The following GALNT14 variants were observed in gnomAD, a reference collection of about 807,000 sequenced individuals.
The protein encoded by GALNT14 is polypeptide N-acetylgalactosaminyltransferase 14.
A neutral mutation model predicts 77.5 loss-of-function variants in GALNT14; 60 were observed. The ratio of observed to expected loss-of-function variants is 0.77; its 90% CI spans 0.63 to 0.96. The LOEUF (loss-of-function observed/expected upper bound fraction) is 0.96. GALNT14 is among the 40% of genes least tolerant of loss of function. The pLI is 0.00. For missense variants in GALNT14, 710 were observed against 731.0 expected (o/e 0.97, Z 0.33); for synonymous variants, 280 against 281.7 (o/e 0.99, Z 0.06).
rs764585768 is a variant in GALNT14, at chr2:31,109,505, C to CT, written c.129+28452dup. ...CTGTCAGAATGTGAAATGATGCTCC[C>CT]TTTCCTTCCTTGAGAGTATAAACTG... On this transcript the variant is annotated intron_variant, in intron 1 of 14. Coordinates refer to ENST00000349752, the MANE Select transcript of GALNT14 (RefSeq NM_024572.4). Among the ~76,000 whole-genome samples the CT allele has an allele frequency of 1.3e-4, 20 of 152,204 alleles. 1 individual carries two copies. Among genetic ancestry groups the CT allele is most frequent in the Admixed American group, 4.6e-4 (7 of 15,290 alleles).
Position 30,998,088 on chromosome 2 carries a change from G to A in GALNT14, c.130-5081C>T, listed in dbSNP as rs562867531. On this transcript the variant is annotated intron_variant, in intron 1 of 14. Transcript: ENST00000349752. ...AACATGGATGGATATTATGCTAAGC[G>A]AAATAAGCCAGGCACAGAAAGACTA... Among the ~76,000 whole-genome samples, 5 of 152,260 alleles carry A rather than the reference G, an allele frequency of 3.3e-5. No individual in the cohort carries two copies. In the East Asian group the frequency reaches 7.7e-4, roughly 23 times the overall value.
chr2:30,888,747 G>A, the GALNT14 span, among the ~76,000 whole-genome samples: 1 of 152,016 alleles, frequency 6.6e-6, no homozygotes, highest in South Asian at 2.1e-4. Flanking sequence ...GAAGAGGAGG[G>A]TGCAGGGCCC....
intron 2 of GALNT14, among the ~76,000 whole-genome samples, chr2:30,989,582 A>ATATATATATATATATATATAT (rs1553351577): frequency 8.8e-6 from 1 of 114,164 alleles, no homozygotes; most frequent in African/African-American, 3.7e-5. Flanking sequence ...ATATATATAT[A>ATATATATATATATATATATAT]AAAATATATA....
intron 1 of GALNT14, among the ~76,000 whole-genome samples, chr2:31,013,433 C>A (rs79438060): frequency 0.011 from 1,692 of 152,276 alleles, 27 homozygotes; most frequent in African/African-American, 0.039. Context: ...CCAGGCAGAA[C>A]CAACAAGTCA....
intron 1 of GALNT14, among the ~76,000 whole-genome samples, chr2:31,130,224 G>A (rs892134156): frequency 3.3e-5 from 5 of 152,244 alleles, no homozygotes; most frequent in African/African-American, 1.2e-4. Context: ...AGATGGCTCT[G>A]TATTCCCAGC....
At chr2:31,010,627 G>A (rs549089935) in intron 1 of GALNT14, among the ~76,000 whole-genome samples, 43 of 152,116 alleles carry the variant, frequency 2.8e-4, no homozygotes, top group African/African-American at 7.2e-4. Context: ...GATGACATTC[G>A]TTCCCGTCTC....
At chr2:30,990,802 G>C (rs1669650845) in intron 2 of GALNT14, among the ~76,000 whole-genome samples, 1 of 152,202 alleles carries the variant, frequency 6.6e-6, no homozygotes, top group African/African-American at 2.4e-5. Context: ...AGCTCCCACA[G>C]GGCAAGGCTC....
At chr2:31,074,410 T>A (rs1675623269) in intron 1 of GALNT14, among the ~76,000 whole-genome samples, 1 of 151,546 alleles carries the variant, frequency 6.6e-6, no homozygotes, top group African/African-American at 2.4e-5. Flanking sequence ...TTGGGGGATT[T>A]TTTTTTTTGC....
At chr2:31,066,639 G>A (rs1292059691) in intron 1 of GALNT14, among the ~76,000 whole-genome samples, 1 of 152,040 alleles carries the variant, frequency 6.6e-6, no homozygotes, top group Non-Finnish European at 1.5e-5. Context: ...AGATAAACCT[G>A]ACTGCAAATA....
At chr2:31,029,076 G>C (rs1672250165) in intron 1 of GALNT14, among the ~76,000 whole-genome samples, 1 of 152,120 alleles carries the variant, frequency 6.6e-6, no homozygotes, top group Non-Finnish European at 1.5e-5. Context: ...CACCCAACAA[G>C]AACTCTAACG....
chr2:31,002,409 G>A (rs150487887), intron 1 of GALNT14, among the ~76,000 whole-genome samples: 2,785 of 151,060 alleles, frequency 0.018, 98 homozygotes, highest in African/African-American at 0.065. Flanking sequence ...CAACCTGGGT[G>A]ACAGAGTGAG....
chr2:30,993,071 C>A, intron 1 of GALNT14, 64 bp from the exon 2 acceptor site: 1 of 1,546,326 alleles, frequency 6.5e-7, no homozygotes, highest in Non-Finnish European at 8.8e-7. Flanking sequence ...CCCCGTCTGC[C>A]TATCAGTACC....
chr2:30,904,988 G>T, the GALNT14 span, among the ~76,000 whole-genome samples: 1 of 152,182 alleles, frequency 6.6e-6, no homozygotes, highest in Admixed American at 6.5e-5. Flanking sequence ...CAACAGACCT[G>T]CAGCTGAGGG....
intron 9 of GALNT14, among the ~76,000 whole-genome samples, chr2:30,939,712 T>C (rs1666264988): frequency 6.6e-6 from 1 of 152,100 alleles, no homozygotes; most frequent in African/African-American, 2.4e-5. Flanking sequence ...ATGTGAGTGA[T>C]GCTGAGGGCA....
At chr2:31,007,540 T>G (rs992370049) in intron 1 of GALNT14, among the ~76,000 whole-genome samples, 7 of 152,134 alleles carry the variant, frequency 4.6e-5, no homozygotes, top group Non-Finnish European at 4.4e-5. Context: ...GGTGTTAGAG[T>G]GACATTTCGA....
rs13388938 is a variant in GALNT14 at position 31,059,746 on chromosome 2, G to A, written c.130-66739C>T. Among the ~76,000 whole-genome samples the A allele has an allele frequency of 4.7e-3, 720 of 151,862 alleles. 9 individuals carry two copies. The highest frequency in any genetic ancestry group is 0.016 in the African/African-American group (659 of 41,416). On this transcript the variant is annotated intron_variant, in intron 1 of 14. Transcript: ENST00000349752. ...AAAAATGATAAAGAGGCCCAAGAGA[G>A]GCCCCTCACCCCTTCTGCCATGTGA...
intron 1 of GALNT14, among the ~76,000 whole-genome samples, chr2:31,081,199 A>G (rs966535742): frequency 6.6e-6 from 1 of 152,252 alleles, no homozygotes; most frequent in Non-Finnish European, 1.5e-5. Flanking sequence ...AAGCTCAGTT[A>G]ATCATGAAAG....
chr2:31,133,746 C>T (rs915382579), intron 1 of GALNT14, among the ~76,000 whole-genome samples: 2 of 152,168 alleles, frequency 1.3e-5, no homozygotes, highest in Admixed American at 6.5e-5. Context: ...CATTTTTCAG[C>T]TACTTTTAAG....
intron 2 of GALNT14, among the ~76,000 whole-genome samples, chr2:30,986,104 G>A (rs1199674669): frequency 6.6e-6 from 1 of 152,164 alleles, no homozygotes; most frequent in Admixed American, 6.5e-5. Flanking sequence ...TCTTCCTGGT[G>A]GGATGTATCA....
Sources: allele counts gnomAD v4.1 joint callset (sites outside exome capture counted in the v4.1 genomes callset), GRCh38; gene constraint gnomAD v4.1.1; transcripts MANE v1.5; gene names NCBI Gene and HGNC (gene_info 2026-07-23, HGNC 2026-07-21).